The following ZNF729 variants were observed in gnomAD, a reference collection of about 807,000 sequenced individuals.
The protein encoded by ZNF729 is zinc finger protein 729.
ZNF729 carries 15 observed loss-of-function variants against 12.2 expected under a neutral mutation model. That is an observed-to-expected ratio of 1.23 (90% CI 0.82 to 1.89). The LOEUF is 1.89. Ranked by LOEUF, ZNF729 falls within the 40% of genes most tolerant of loss-of-function variation. ZNF729 has a pLI of 0.00. For synonymous variants in ZNF729, 492 were observed against 476.3 expected (o/e 1.03, Z -0.43); for missense variants, 1,540 against 1,456.7 (o/e 1.06, Z -0.93).
chr19:22,296,624 A>G (rs1274757375), intron 1 of ZNF729, among the ~76,000 whole-genome samples: 1 of 151,352 alleles, frequency 6.6e-6, no homozygotes, highest in Non-Finnish European at 1.5e-5. Flanking sequence ...GATCTTATTT[A>G]TTTATTTTTT....
intron 1 of ZNF729, chr19:22,299,108 T>C (rs1333856961): frequency 6.6e-6 from 1 of 152,258 alleles, no homozygotes; most frequent in Non-Finnish European, 1.5e-5. Flanking sequence ...TCCCTTTTCT[T>C]CATAATGCTC....
chr19:22,294,949 G>C (rs1317222451), intron 1 of ZNF729, among the ~76,000 whole-genome samples: 1 of 151,818 alleles, frequency 6.6e-6, no homozygotes, highest in Non-Finnish European at 1.5e-5. Context: ...GAGCTACCGT[G>C]CCTGGCCGTC....
Position 22,313,705 on chromosome 19 carries a change from A to G in ZNF729, c.288A>G (p.Pro96=). The G allele has an allele frequency of 6.5e-7, 1 of 1,538,808 alleles. No individual in the cohort carries two copies. Among genetic ancestry groups the G allele is most frequent in the Non-Finnish European group, 8.7e-7 (1 of 1,150,538 alleles). ...MRSHFTQDLW[P]DQSTKDSFQE... Reference sequence around the variant, plus strand: ...CTCATTTTACACAAGACCTTTGGCCAGATCAGAGCACAAAAGATTCTTTCC... The same window carrying G: ...CTCATTTTACACAAGACCTTTGGCCGGATCAGAGCACAAAAGATTCTTTCC... Residue 96 remains proline, a synonymous_variant, in exon 4 of 4, where the codon CCA becomes CCG. Coordinates refer to ENST00000601693, the MANE Select transcript of ZNF729 (RefSeq NM_001242680.2).
Position 22,313,877 on chromosome 19 carries a change from T to C in ZNF729, c.460T>C (p.Phe154Leu), listed in dbSNP as rs780644444. 1.3e-6 allele frequency: 2 copies of C among 1,548,786 alleles called. No homozygotes were observed. The highest frequency in any genetic ancestry group is 4.6e-5 in the East Asian group (2 of 43,198). Residue 154 changes from phenylalanine (F) to leucine (L), a missense_variant, in exon 4 of 4, where the codon TTT becomes CTT. Physicochemically the swap from Phe to Leu is conservative, Grantham distance 22. Transcript: ENST00000601693. ...CAGGACAGCTACCCAGAGAAAAATATTTCAGTGTAACAAACATATGAAAGT... is the reference window on the plus strand; with the variant it reads ...CAGGACAGCTACCCAGAGAAAAATACTTCAGTGTAACAAACATATGAAAGT... ...QCRTATQRKI[F>L]QCNKHMKVFH...
At chr19:22,300,098 G>A (rs1968285644) in intron 1 of ZNF729, among the ~76,000 whole-genome samples, 1 of 152,206 alleles carries the variant, frequency 6.6e-6, no homozygotes, top group Non-Finnish European at 1.5e-5. Flanking sequence ...CATTTTTGTA[G>A]GAGATTGAGA....
At position 22,315,665 on chromosome 19, in the gene ZNF729, A is replaced by C; in HGVS notation, c.2248A>C (p.Lys750Gln). The C allele has an allele frequency of 6.2e-7, 1 of 1,608,330 alleles. No homozygotes were observed. Among genetic ancestry groups the C allele is most frequent in the Middle Eastern group, 1.7e-4 (1 of 6,052 alleles). The change falls in exon 4 of 4, where the codon AAG becomes CAG. Residue 750 changes from lysine to glutamine, a missense_variant. Lys to Gln is a moderately conservative substitution (Grantham distance 53). Transcript: ENST00000601693. ...CKCEECGKSF[K>Q]HFSALRKHKV... ...ATGTGAAGAATGTGGCAAATCTTTT[A>C]AGCATTTCTCAGCCCTTAGAAAACA...
chr19:22,293,494 A>ATTTTTTTTTTTTTTTTTTTTT (rs56180581), intron 1 of ZNF729, among the ~76,000 whole-genome samples: 2 of 96,054 alleles, frequency 2.1e-5, no homozygotes, highest in Non-Finnish European at 3.9e-5. Context: ...CCTTTTGTCT[A>ATTTTTTTTTTTTTTTTTTTTT]TTTTTTTTTT....
Position 22,298,239 on chromosome 19 carries a change from G to T in ZNF729, c.31-5519G>T, listed in dbSNP as rs967887156. On this transcript the variant is annotated intron_variant, in intron 1 of 3. Coordinates refer to ENST00000601693, the MANE Select transcript of ZNF729 (RefSeq NM_001242680.2). ...TAAGGCCAAAACATTTACTTTGACT[G>T]AATACTCATTAAATAGTCATTTTAA... is the stretch of plus-strand genomic sequence containing the variant. Among the ~76,000 whole-genome samples, 4 of 151,868 alleles carry T rather than the reference G, an allele frequency of 2.6e-5. No homozygotes were observed. In the East Asian group the frequency reaches 7.7e-4, roughly 29 times the overall value.
chr19:22,310,255 C>T (rs12610063), intron 3 of ZNF729, among the ~76,000 whole-genome samples: 60,185 of 151,588 alleles, frequency 0.4, 12,304 homozygotes, highest in Middle Eastern at 0.56. Context: ...AGAAGCATGG[C>T]GAGAGTGGGC....
intron 3 of ZNF729, among the ~76,000 whole-genome samples, chr19:22,305,932 T>G (rs1378811620): frequency 2.0e-5 from 3 of 152,064 alleles, no homozygotes; most frequent in African/African-American, 7.2e-5. Flanking sequence ...ACCTCTTAAG[T>G]AGCTGGATTA....
intron 3 of ZNF729, among the ~76,000 whole-genome samples, chr19:22,312,784 G>T (rs1568576440): frequency 1.3e-5 from 2 of 151,934 alleles, no homozygotes; most frequent in Non-Finnish European, 2.9e-5. Flanking sequence ...CATGATCTCG[G>T]CTCACCTCAA....
In ZNF729 at chr19:22,303,798, T is replaced by C. The variant is rs537202013; in HGVS notation, c.71T>C (p.Leu24Pro). The C allele has an allele frequency of 1.3e-6, 2 of 1,575,574 alleles. No homozygotes were observed. Among genetic ancestry groups the C allele is most frequent in the South Asian group, 2.2e-5 (2 of 90,586 alleles). The change falls in exon 2 of 4, where the codon CTG becomes CCG. Residue 24 changes from leucine to proline, a missense_variant. Coordinates refer to ENST00000601693, the MANE Select transcript of ZNF729 (RefSeq NM_001242680.2). ...AGAGATGTGACCATAGAATTCTCTC[T>C]GGAGGAGTGGCAATGCCTGGACACG... ...TFRDVTIEFS[L>P]EEWQCLDTVQ...
chr19:22,309,967 TC>T (rs1182877528), intron 3 of ZNF729, among the ~76,000 whole-genome samples: 1 of 151,786 alleles, frequency 6.6e-6, no homozygotes, highest in Non-Finnish European at 1.5e-5. Context: ...TTTTTTTTTT[TC>T]ACGGCTATTG....
At chr19:22,287,815 T>A (rs1016271859) in intron 1 of ZNF729, among the ~76,000 whole-genome samples, 7 of 151,954 alleles carry the variant, frequency 4.6e-5, no homozygotes, top group African/African-American at 1.5e-4. Context: ...CAAATGTCAA[T>A]TTTTTCCTCT....
chr19:22,309,038 G>A (rs1418321991), intron 3 of ZNF729, among the ~76,000 whole-genome samples: 1 of 152,154 alleles, frequency 6.6e-6, no homozygotes, highest in Non-Finnish European at 1.5e-5. Flanking sequence ...ATAGTTTCAG[G>A]TCTTAGATTT....
rs534688040 is a variant in ZNF729 at position 22,310,245 on chromosome 19, A to C, written c.254-3426A>C. ...GCTAAGACTTCTAGTACTGTGTTGAAGAAGCATGGCGAGAGTGGGCATCCT... is the reference window on the plus strand; with the variant it reads ...GCTAAGACTTCTAGTACTGTGTTGACGAAGCATGGCGAGAGTGGGCATCCT... On this transcript the variant is annotated intron_variant, in intron 3 of 3. Coordinates refer to ENST00000601693, the MANE Select transcript of ZNF729 (RefSeq NM_001242680.2). Among the ~76,000 whole-genome samples, 85 of 152,014 alleles carry C rather than the reference A, an allele frequency of 5.6e-4. 1 individual carries two copies. Among genetic ancestry groups the C allele is most frequent in the Admixed American group, 1.1e-3 (16 of 15,224 alleles).
intron 3 of ZNF729, among the ~76,000 whole-genome samples, chr19:22,306,501 T>C (rs1968379678): frequency 7.6e-6 from 1 of 132,222 alleles, no homozygotes; most frequent in South Asian, 2.1e-4. Flanking sequence ...CTGTTTTATG[T>C]TTTTTTTTTT....
At position 22,305,345 on chromosome 19, in the gene ZNF729, A is replaced by G. The variant is rs1431402786; in HGVS notation, c.253+562A>G. 2.6e-5 allele frequency among the ~76,000 whole-genome samples: 4 copies of G among 152,264 alleles called. No individual in the cohort carries two copies. In the East Asian group the frequency reaches 5.8e-4, roughly 22 times the overall value. On this transcript the variant is annotated intron_variant, in intron 3 of 3. Transcript: ENST00000601693. ...GATATTTTTCTGTATGCAAAATATT[A>G]TAGTCTATAATGTTACCTACATTTT...
intron 3 of ZNF729, among the ~76,000 whole-genome samples, chr19:22,307,607 G>A (rs1430089872): frequency 1.3e-5 from 2 of 151,196 alleles, no homozygotes. Flanking sequence ...GCCGGGCATG[G>A]TGGTGCATGC....
Sources: gnomAD v4.1 joint callset for allele counts (sites outside exome capture counted in the v4.1 genomes callset) on GRCh38, gnomAD v4.1.1 for gene constraint, MANE v1.5 for transcripts, NCBI Gene and HGNC (gene_info 2026-07-23, HGNC 2026-07-21) for gene names.